POM121: variants seen among roughly 807,000 people sequenced by gnomAD.
POM121 encodes the protein nuclear envelope pore membrane protein POM 121.
Under a neutral mutation model 81.3 loss-of-function variants are expected in POM121, and 32 were observed. That is an observed-to-expected ratio of 0.39 (90% CI 0.30 to 0.53). The LOEUF (loss-of-function observed/expected upper bound fraction) is 0.53, where lower values mean the gene tolerates loss of function less well. POM121 is among the 20% of genes least tolerant of loss of function. The pLI is 0.66. For synonymous variants in POM121, 514 were observed against 694.2 expected (o/e 0.74, Z 4.08); for missense variants, 1,138 against 1,614.6 (o/e 0.70, Z 5.06).
chr7:72,940,077 T>C (rs1322472823), intron 8 of POM121, 109 bp downstream of exon 8: 8 of 1,447,504 alleles, frequency 5.5e-6, no homozygotes, highest in Non-Finnish European at 7.3e-6. Flanking sequence ...TTTTTGTTTT[T>C]GTTTTTTGAG....
At chr7:72,906,453 A>T (rs1392424771) in intron 3 of POM121, among the ~76,000 whole-genome samples, 45 of 152,202 alleles carry the variant, frequency 3.0e-4, no homozygotes, top group African/African-American at 1.1e-3. Context: ...GAAGATCAGC[A>T]GCCTCTCCCT....
chr7:72,926,985 T>A, intron 3 of POM121, 22 bp downstream of exon 3: 2 of 1,614,006 alleles, frequency 1.2e-6, no homozygotes, highest in Non-Finnish European at 1.7e-6. Context: ...AGGAGAGTAC[T>A]AAGCCGGTTT....
rs547240698 is a variant in POM121, at chr7:72,932,169, CA to C, written c.1275+2066del. 8.9e-5 allele frequency among the ~76,000 whole-genome samples: 13 copies of C among 146,880 alleles called. No individual in the cohort carries two copies. In the East Asian group the frequency reaches 2.4e-3, roughly 27 times the overall value. On this transcript the variant is annotated intron_variant, in intron 5 of 12. Coordinates refer to ENST00000434423, the MANE Select transcript of POM121 (RefSeq NM_001387691.1). ...AAATCTTTGAAACAATAAGTTGTTT[CA>C]AAAAAAATACACTAAAACAAGATAC... is the stretch of plus-strand genomic sequence containing the variant.
rs1554502126 is a variant in POM121 at position 72,943,118 on chromosome 7, C to T, written c.3125C>T (p.Ala1042Val). ...ACGCACTCGGCGTTTGGGTTGAAAG[C>T]CACGGCTTCGGCCTTCGGCGCTCCC... ...GATHSAFGLK[A>V]TASAFGAPAS... is the part of the protein sequence containing the mutation. The change falls in exon 11 of 13, where the codon GCC (alanine) becomes GTC (valine). Residue 1042 changes from alanine (A) to valine (V), a missense_variant. Physicochemically the swap from Ala to Val is moderately conservative, Grantham distance 64 (BLOSUM62 0). Coordinates refer to ENST00000434423, the MANE Select transcript of POM121 (RefSeq NM_001387691.1). 5 of 1,613,140 alleles carry T rather than the reference C, an allele frequency of 3.1e-6. No individual in the cohort carries two copies. Among genetic ancestry groups the T allele is most frequent in the Non-Finnish European group, 3.4e-6 (4 of 1,179,640 alleles).
At chr7:72,907,882 G>A (rs1476133084) in intron 3 of POM121, among the ~76,000 whole-genome samples, 4 of 152,138 alleles carry the variant, frequency 2.6e-5, no homozygotes, top group African/African-American at 9.7e-5. Flanking sequence ...ATGTGAGAGC[G>A]TTTGCTGTTG....
rs145099514 is a variant in POM121, at chr7:72,943,486, G to A, written c.3493G>A (p.Val1165Met). ...CCAGAGCACACCGTTTGCCTTCAAC[G>A]TGAGCAGCACAACTGAGAGCAAACC... is the stretch of plus-strand genomic sequence containing the variant. ...TGQSTPFAFN[V>M]SSTTESKPVF... is the part of the protein sequence containing the mutation. Residue 1165 changes from valine to methionine, a missense_variant, in exon 11 of 13, where the codon GTG (valine) becomes ATG (methionine). Physicochemically the swap from Val to Met is conservative, Grantham distance 21. Transcript: ENST00000434423. The A allele has an allele frequency of 1.5e-4, 244 of 1,612,552 alleles. No homozygotes were observed. Among genetic ancestry groups the A allele is most frequent in the Non-Finnish European group, 2.0e-4 (234 of 1,179,872 alleles).
At chr7:72,949,019 G>A (rs782802043), downstream of POM121, 54 of 1,611,644 alleles carry the variant, frequency 3.4e-5, no homozygotes, top group African/African-American at 1.1e-4. Flanking sequence ...CACAGGGCTC[G>A]CTGCTGGAAC....
At chr7:72,944,044 A>G (rs1207911821) in intron 11 of POM121, among the ~76,000 whole-genome samples, 4 of 152,214 alleles carry the variant, frequency 2.6e-5, no homozygotes, top group Admixed American at 2.6e-4. Context: ...TGTCTCAAAA[A>G]ACAAACCGTA....
At chr7:72,882,828 A>G (rs1554489494) in intron 1 of POM121, among the ~76,000 whole-genome samples, 1 of 152,180 alleles carries the variant, frequency 6.6e-6, no homozygotes, top group Non-Finnish European at 1.5e-5. Flanking sequence ...CACTTTGCTA[A>G]GTCAGTCAGT....
At chr7:72,935,856 G>T (rs1239012041) in intron 5 of POM121, among the ~76,000 whole-genome samples, 1 of 152,224 alleles carries the variant, frequency 6.6e-6, no homozygotes. Flanking sequence ...GATTGGCTGT[G>T]CTGGTGTGTA....
At chr7:72,903,969 T>C (rs1178411060) in intron 3 of POM121, among the ~76,000 whole-genome samples, 1 of 152,130 alleles carries the variant, frequency 6.6e-6, no homozygotes, top group African/African-American at 2.4e-5. Flanking sequence ...ACCTGGCTAA[T>C]TTTTGTATTT....
chr7:72,917,439 T>C (rs1327081241), intron 4 of POM121, among the ~76,000 whole-genome samples: 2 of 152,184 alleles, frequency 1.3e-5, no homozygotes, highest in Non-Finnish European at 2.9e-5. Flanking sequence ...TGAGTGCTTG[T>C]GACTGCCCTG....
chr7:72,892,928 G>T (rs1554491130), intron 3 of POM121, among the ~76,000 whole-genome samples: 1 of 151,932 alleles, frequency 6.6e-6, no homozygotes, highest in East Asian at 2.0e-4. Flanking sequence ...GCCTCTCAAA[G>T]TGCTAGGATT....
intron 1 of POM121, among the ~76,000 whole-genome samples, chr7:72,886,083 G>A (rs1236011819): frequency 3.9e-5 from 6 of 152,176 alleles, no homozygotes; most frequent in East Asian, 1.9e-4. Context: ...TCTTTACACC[G>A]TTGTTCATTT....
chr7:72,925,023 C>T (rs557087378), upstream of POM121: 13 of 1,330,532 alleles, frequency 9.8e-6, no homozygotes, highest in East Asian at 3.1e-5. Flanking sequence ...TAGCGTCTCC[C>T]GGAGTCGCGC....
rs535633753 is a variant in POM121, at chr7:72,930,720, G to A, written c.1275+609G>A. Among the ~76,000 whole-genome samples, 108 of 152,308 alleles carry A rather than the reference G, an allele frequency of 7.1e-4. 1 individual carries two copies. Among genetic ancestry groups the A allele is most frequent in the Admixed American group, 5.1e-3 (78 of 15,304 alleles). On this transcript the variant is annotated intron_variant, in intron 5 of 12. Coordinates refer to ENST00000434423, the MANE Select transcript of POM121 (RefSeq NM_001387691.1). The stretch of plus-strand genomic sequence containing the variant: ...TCAAATCTTGGCTCTGAGGCTGGGC[G>A]GGATGGCTCATGCCTGTAATCCCAT...
At position 72,926,459 on chromosome 7, in the gene POM121, G is replaced by A. The variant is rs555308680; in HGVS notation, c.842G>A (p.Arg281Lys). ...VTVRIAPPDR[R>K]FSRSAIPEQI... Reference sequence around the variant, plus strand: ...GTGAGGATCGCCCCTCCTGACAGAAGATTTTCGCGTTCTGCGATGTGAGTA... The same window carrying A: ...GTGAGGATCGCCCCTCCTGACAGAAAATTTTCGCGTTCTGCGATGTGAGTA... The change falls in exon 2 of 13, where the codon AGA (arginine) becomes AAA (lysine). Residue 281 changes from arginine (R) to lysine (K), a missense_variant. This residue lies in a region of POM121 where 646 missense variants were observed against 633.5 expected (regional missense o/e 1.02). Transcript: ENST00000434423. The A allele has an allele frequency of 1.2e-6, 2 of 1,614,012 alleles. No homozygotes were observed. The highest frequency in any genetic ancestry group is 2.7e-5 in the African/African-American group (2 of 75,058).
At chr7:72,887,656 A>G (rs1474262602) in intron 1 of POM121, among the ~76,000 whole-genome samples, 3 of 152,018 alleles carry the variant, frequency 2.0e-5, no homozygotes, top group East Asian at 1.9e-4. Flanking sequence ...GTGAAACCCC[A>G]TCTCTACTAA....
chr7:72,894,127 G>T (rs1554491296), intron 3 of POM121, among the ~76,000 whole-genome samples: 1 of 152,080 alleles, frequency 6.6e-6, no homozygotes, highest in East Asian at 1.9e-4. Context: ...ACCTGGGCGT[G>T]GTGACACGCG....
Sources: gnomAD v4.1 joint callset for allele counts (sites outside exome capture counted in the v4.1 genomes callset) on GRCh38, gnomAD v4.1.1 for gene constraint, gnomAD v4.1.1 regional missense constraint, MANE v1.5 for transcripts, NCBI Gene and HGNC (gene_info 2026-07-23, HGNC 2026-07-21) for gene names.